GLIS1: variants seen among roughly 807,000 people sequenced by gnomAD.
GLIS1 encodes GLIS family zinc finger 1, also known as zinc finger protein GLIS1.
Under a neutral mutation model 63.8 loss-of-function variants are expected in GLIS1, and 24 were observed. The ratio of observed to expected loss-of-function variants is 0.38; its 90% CI spans 0.27 to 0.53. GLIS1 has a LOEUF of 0.53. Ranked by LOEUF, GLIS1 falls within the 20% of genes least tolerant of loss-of-function variation. The pLI, the probability that GLIS1 is intolerant of heterozygous loss-of-function variation, is 0.85. For missense variants in GLIS1, 1,036 were observed against 1,074.1 expected (o/e 0.96, Z 0.50); for synonymous variants, 450 against 482.5 (o/e 0.93, Z 0.88).
chr1:53,547,272 G>A (rs537631995), intron 4 of GLIS1, among the ~76,000 whole-genome samples: 1 of 152,256 alleles, frequency 6.6e-6, no homozygotes, highest in East Asian at 1.9e-4. Context: ...CAGAGACAGA[G>A]AGCCAGGGCT....
At chr1:53,658,713 C>T (rs972975932) in intron 2 of GLIS1, among the ~76,000 whole-genome samples, 8 of 152,190 alleles carry the variant, frequency 5.3e-5, no homozygotes, top group Admixed American at 3.3e-4. Flanking sequence ...GTGCTGCTCA[C>T]ATGCCTGGCT....
chr1:53,547,355 A>T (rs1557443364), intron 4 of GLIS1, among the ~76,000 whole-genome samples: 1 of 152,270 alleles, frequency 6.6e-6, no homozygotes, highest in Non-Finnish European at 1.5e-5. Context: ...AGAGGGCAAT[A>T]GCCAAGAGCT....
intron 2 of GLIS1, among the ~76,000 whole-genome samples, chr1:53,716,919 C>T (rs916584513): frequency 1.3e-5 from 2 of 152,104 alleles, no homozygotes; most frequent in Non-Finnish European, 2.9e-5. Flanking sequence ...TGGGAAAAAC[C>T]CCACATCAAC....
chr1:53,629,209 T>C (rs1243582821), intron 2 of GLIS1, among the ~76,000 whole-genome samples: 1 of 151,966 alleles, frequency 6.6e-6, no homozygotes, highest in Non-Finnish European at 1.5e-5. Context: ...TTTATGATGT[T>C]CTCCCTCCTG....
At position 53,709,413 on chromosome 1, in the gene GLIS1, C is replaced by CATATATATACATATACATATATAT. The variant is rs752636057; in HGVS notation, c.259+28392_259+28393insATATATATGTATATGTATATATAT. Among the ~76,000 whole-genome samples, 118 of 124,766 alleles carry CATATATATACATATACATATATAT rather than the reference C, an allele frequency of 9.5e-4. 4 individuals carry two copies. The Middle Eastern group carries it at 0.016, about 16-fold the overall frequency. The allele number at this position is 124,766 out of a possible 152,430, so 81.9% of individuals were successfully genotyped here. On this transcript the variant is annotated intron_variant, in intron 2 of 10. Coordinates refer to ENST00000628545, the MANE Select transcript of GLIS1 (RefSeq NM_001367484.1). ...ATATATACATATACATATATATATA[C>CATATATATACATATACATATATAT]ACACACACACACACACACACACACA...
Position 53,539,377 on chromosome 1 carries a change from TATC to T in GLIS1, c.1321-9428_1321-9426del, listed in dbSNP as rs1298016708. ...ATATACCACATAACACACCCACACATATCATACCACACACACACTCCACAGCAC... is the reference window on the plus strand; with the variant it reads ...ATATACCACATAACACACCCACACATATACCACACACACACTCCACAGCAC... On this transcript the variant is annotated intron_variant, in intron 4 of 10. Coordinates refer to ENST00000628545, the MANE Select transcript of GLIS1 (RefSeq NM_001367484.1). The surrounding 1 kb of genome is among the most constrained non-coding windows in gnomAD (Gnocchi z 5.0). Among the ~76,000 whole-genome samples the T allele has an allele frequency of 4.0e-5, 6 of 148,870 alleles. No homozygotes were observed. The highest frequency in any genetic ancestry group is 8.9e-5 in the Non-Finnish European group (6 of 67,358).
chr1:53,648,837 G>A (rs1430864589), intron 2 of GLIS1, among the ~76,000 whole-genome samples: 2 of 152,196 alleles, frequency 1.3e-5, no homozygotes, highest in Non-Finnish European at 2.9e-5. Flanking sequence ...AAGGAGGCAG[G>A]GAGGAGAGAT....
intron 2 of GLIS1, among the ~76,000 whole-genome samples, chr1:53,616,113 C>T (rs1415843794): frequency 6.6e-6 from 1 of 152,176 alleles, no homozygotes; most frequent in African/African-American, 2.4e-5. Context: ...CATGATCCCA[C>T]AAATCTGTCA....
intron 2 of GLIS1, among the ~76,000 whole-genome samples, chr1:53,612,058 C>T (rs7527338): frequency 0.52 from 79,715 of 151,914 alleles, 23,980 homozygotes; most frequent in Non-Finnish European, 0.66. Context: ...TCTCAAACTA[C>T]TGGCCTCAAG....
intron 2 of GLIS1, among the ~76,000 whole-genome samples, chr1:53,726,195 G>C (rs1247635956): frequency 6.6e-6 from 1 of 152,168 alleles, no homozygotes; most frequent in African/African-American, 2.4e-5. Flanking sequence ...TGGACCCAAG[G>C]CCTTGATGGA....
intron 2 of GLIS1, among the ~76,000 whole-genome samples, chr1:53,682,101 G>T (rs1362946894): frequency 6.6e-6 from 1 of 152,212 alleles, no homozygotes; most frequent in African/African-American, 2.4e-5. Context: ...CATCTGGCCA[G>T]CGGGGGCCGT....
Position 53,534,372 on chromosome 1 carries a change from G to A in GLIS1, c.1321-4420C>T, listed in dbSNP as rs913399516. ...TGGGGCGGGGCCTTCCTGACATCCCGGTCGCCTCAGGCTCTATGGTACATT... is the reference window on the plus strand; with the variant it reads ...TGGGGCGGGGCCTTCCTGACATCCCAGTCGCCTCAGGCTCTATGGTACATT... On this transcript the variant is annotated intron_variant, in intron 4 of 10. Coordinates refer to ENST00000628545, the MANE Select transcript of GLIS1 (RefSeq NM_001367484.1). Among the ~76,000 whole-genome samples, 8 of 152,002 alleles carry A rather than the reference G, an allele frequency of 5.3e-5. No homozygotes were observed. The East Asian group carries it at 1.3e-3, about 26-fold the overall frequency.
rs1178718723 is a variant in GLIS1, at chr1:53,714,977, C to T, written c.259+22829G>A. Among the ~76,000 whole-genome samples, 4 of 152,232 alleles carry T rather than the reference C, an allele frequency of 2.6e-5. No individual in the cohort carries two copies. The East Asian group carries it at 5.8e-4, about 22-fold the overall frequency. On this transcript the variant is annotated intron_variant, in intron 2 of 10. Coordinates refer to ENST00000628545, the MANE Select transcript of GLIS1 (RefSeq NM_001367484.1). ...AGAGTCTCACTCTGAAGTGCAATGG[C>T]ACAATCATGCCTCACTGCAGCCTTG...
chr1:53,627,091 C>T (rs986456822), intron 2 of GLIS1, among the ~76,000 whole-genome samples: 13 of 152,220 alleles, frequency 8.5e-5, no homozygotes, highest in Middle Eastern at 3.2e-3. Flanking sequence ...CAACCACAGC[C>T]ACACTGAGAA....
At chr1:53,602,628 C>T (rs1462325871) in intron 2 of GLIS1, among the ~76,000 whole-genome samples, 1 of 152,160 alleles carries the variant, frequency 6.6e-6, no homozygotes, top group Non-Finnish European at 1.5e-5. Context: ...TCAAGACCTT[C>T]AAGGGTCCAT....
chr1:53,719,850 TACATCTAAAAGA>T (rs1474265351), intron 2 of GLIS1, among the ~76,000 whole-genome samples: 5 of 152,164 alleles, frequency 3.3e-5, no homozygotes, highest in African/African-American at 1.2e-4. Context: ...CTGCTGTGCA[TACATCTAAAAGA>T]AAGGAAATCA....
At chr1:53,530,793 T>C (rs921549692) in intron 4 of GLIS1, among the ~76,000 whole-genome samples, 1 of 152,184 alleles carries the variant, frequency 6.6e-6, no homozygotes, top group African/African-American at 2.4e-5. Flanking sequence ...TCAGCTCAAA[T>C]GCTGCCTAGC....
chr1:53,543,812 C>T (rs1440721771), intron 4 of GLIS1, among the ~76,000 whole-genome samples: 2 of 152,056 alleles, frequency 1.3e-5, no homozygotes, highest in African/African-American at 4.8e-5. Context: ...GGGAAGTGGT[C>T]ATCTGCCGGC....
At position 53,511,721 on chromosome 1, in the gene GLIS1, G is replaced by A. The variant is rs112847623; in HGVS notation, c.1884-1694C>T. Among the ~76,000 whole-genome samples the A allele has an allele frequency of 1.4e-4, 22 of 152,330 alleles. No individual in the cohort carries two copies. Among genetic ancestry groups the A allele is most frequent in the Non-Finnish European group, 3.1e-4 (21 of 68,020 alleles). Reference sequence around the variant, plus strand: ...CGTCTTCCTCTATGCACTAGAAACCGTGGACAGCTGTGCACGAGCTGTGTG... The same window carrying A: ...CGTCTTCCTCTATGCACTAGAAACCATGGACAGCTGTGCACGAGCTGTGTG... On this transcript the variant is annotated intron_variant, in intron 8 of 10. Transcript: ENST00000628545. The surrounding 1 kb of genome is among the most constrained non-coding windows in gnomAD (Gnocchi z 4.2).
Sources: gnomAD v4.1 joint callset for allele counts (sites outside exome capture counted in the v4.1 genomes callset) on GRCh38, gnomAD v4.1.1 for gene constraint, Gnocchi (gnomAD v3.1) non-coding constraint, MANE v1.5 for transcripts, NCBI Gene and HGNC (gene_info 2026-07-23, HGNC 2026-07-21) for gene names.